FZD6: variants seen among roughly 807,000 people sequenced by gnomAD.
The protein encoded by FZD6 is frizzled class receptor 6.
FZD6 carries 49 observed loss-of-function variants against 61.4 expected under a neutral mutation model. That is an observed-to-expected ratio of 0.80 (90% confidence interval 0.63 to 1.01). The LOEUF (loss-of-function observed/expected upper bound fraction) is 1.01, where lower values mean the gene tolerates loss of function less well. FZD6 is among the 50% of genes least tolerant of loss of function. FZD6 has a pLI of 0.00. For missense variants in FZD6, 724 were observed against 848.2 expected (o/e 0.85, Z 1.82); for synonymous variants, 265 against 292.2 (o/e 0.91, Z 0.95).
At chr8:103,307,634 C>A in intron 2 of FZD6, 2 of 394,948 alleles carry the variant, frequency 5.1e-6, no homozygotes, top group Admixed American at 3.4e-5. Flanking sequence ...TTATTTTGCC[C>A]TGGTCATTCT....
chr8:103,331,457 C>T lies in FZD6; in HGVS notation c.2069C>T (p.Pro690Leu), dbSNP rs1035910686. The change falls in exon 7 of 7, where the codon CCG becomes CTG. Residue 690 changes from proline (P) to leucine (L), a missense_variant. Transcript: ENST00000358755. ...GGTTCCACATCTCTGCTTGTTCACC[C>T]GGTTTCAGGAGTGAGAAAAGAGCAG... The part of the protein sequence containing the change: ...LKGSTSLLVH[P>L]VSGVRKEQGG... 3.1e-6 allele frequency: 5 copies of T among 1,611,152 alleles called. No homozygotes were observed. Among genetic ancestry groups the T allele is most frequent in the East Asian group, 2.2e-5 (1 of 44,868 alleles).
chr8:103,331,181 A>G (rs1815116540), intron 6 of FZD6, among the ~76,000 whole-genome samples, 160 bp from the exon 7 acceptor site: 1 of 110,628 alleles, frequency 9.0e-6, no homozygotes. Flanking sequence ...TCTGTCTCAA[A>G]AAAAAAATTT....
At chr8:103,298,732 C>A, upstream of FZD6, 1 of 150,110 alleles carries the variant, frequency 6.7e-6, no homozygotes, top group South Asian at 1.8e-4. Flanking sequence ...GGAGTGAGGC[C>A]GGGCGGCGCA....
intron 5 of FZD6, among the ~76,000 whole-genome samples, chr8:103,328,895 T>C (rs1451275194): frequency 6.6e-6 from 1 of 150,888 alleles, no homozygotes; most frequent in Non-Finnish European, 1.5e-5. Flanking sequence ...TAAATCTTAT[T>C]ACACACAGCT....
intron 2 of FZD6, among the ~76,000 whole-genome samples, chr8:103,317,836 AAAAAAG>A (rs71292794): frequency 0.29 from 39,351 of 134,934 alleles, 5,258 homozygotes; most frequent in South Asian, 0.33. Context: ...AAAAAAAAAA[AAAAAAG>A]AAAGAAAGAA....
Position 103,330,048 on chromosome 8 carries a change from T to C in FZD6, c.1935T>C (p.Ser645=). Residue 645 remains serine (S), a synonymous_variant, in exon 6 of 7, where the codon AGT becomes AGC. Transcript: ENST00000358755. ...GKGQAGSVSE[S]ARSEGRISPK... ...GCCAGGCAGGCAGTGTATCTGAAAG[T>C]GCGCGGAGTGAAGGAAGGTGAGATT... 2 of 1,614,032 alleles carry C rather than the reference T, an allele frequency of 1.2e-6. No individual in the cohort carries two copies. Among genetic ancestry groups the C allele is most frequent in the Non-Finnish European group, 1.7e-6 (2 of 1,179,882 alleles).
At chr8:103,318,500 G>A in intron 2 of FZD6, 90 bp from the exon 3 acceptor site, 1 of 797,342 alleles carries the variant, frequency 1.3e-6, no homozygotes, top group Non-Finnish European at 2.2e-6. Context: ...CAGTATAAGT[G>A]AAAAAGCATA....
rs1458718346 is a variant in FZD6 at position 103,325,255 on chromosome 8, C to T, written c.1149C>T (p.Leu383=). The T allele has an allele frequency of 3.3e-5, 54 of 1,614,046 alleles. No homozygotes were observed. The East Asian group carries it at 1.2e-3, about 36-fold the overall frequency. The change falls in exon 4 of 7, where the codon CTC becomes CTT. Residue 383 remains leucine (L), a synonymous_variant. Transcript: ENST00000358755. ...LPLCLCVFVG[L]SLLLAGIISL... The stretch of plus-strand genomic sequence containing the variant: ...TGTGCCTTTGTGTGTTTGTTGGGCT[C>T]TCTCTTCTTTTAGCTGGCATTATTT...
intron 6 of FZD6, among the ~76,000 whole-genome samples, chr8:103,331,047 C>G (rs532238334): frequency 3.9e-5 from 6 of 151,976 alleles, no homozygotes; most frequent in Admixed American, 6.6e-5. Context: ...TGTGGTGGCA[C>G]CCACCTGTAG....
At chr8:103,327,126 G>T (rs551982707) in intron 4 of FZD6, among the ~76,000 whole-genome samples, 1 of 152,300 alleles carries the variant, frequency 6.6e-6, no homozygotes, top group South Asian at 2.1e-4. Context: ...CACTGATACT[G>T]CCCTTCTGGG....
At chr8:103,318,472 G>A (rs1814691340) in intron 2 of FZD6, 118 bp from the exon 3 acceptor site, 1 of 698,490 alleles carries the variant, frequency 1.4e-6, no homozygotes, top group Non-Finnish European at 2.6e-6. Context: ...GATAGAGGGA[G>A]ATTTAAAGAT....
At chr8:103,306,557 G>A (rs1814336171) in intron 2 of FZD6, among the ~76,000 whole-genome samples, 1 of 130,878 alleles carries the variant, frequency 7.6e-6, no homozygotes, top group African/African-American at 2.9e-5. Context: ...AGGCTGGAGT[G>A]CAGTGGCGCC....
rs1395797835 is a variant in FZD6, at chr8:103,317,459, TAGG to T, written c.178-1127_178-1125del. On this transcript the variant is annotated intron_variant, in intron 2 of 6. Transcript: ENST00000358755. ...AAGTGTGGGAAGTAGTGAGACCTGT[TAGG>T]AGGCCATTTTAGTAGTTGAGGTGAA... 2.6e-5 allele frequency among the ~76,000 whole-genome samples: 4 copies of T among 152,186 alleles called. No individual in the cohort carries two copies. In the East Asian group the frequency reaches 5.8e-4, roughly 22 times the overall value.
At chr8:103,303,033 A>C (rs1271564846) in intron 2 of FZD6, among the ~76,000 whole-genome samples, 1 of 152,210 alleles carries the variant, frequency 6.6e-6, no homozygotes, top group Non-Finnish European at 1.5e-5. Flanking sequence ...GTGGTGCCAC[A>C]ATGATTTTAT....
rs1209767214 is a variant in FZD6 at position 103,311,645 on chromosome 8, A to C, written c.178-6945A>C. 5.5e-5 allele frequency among the ~76,000 whole-genome samples: 8 copies of C among 146,064 alleles called. No individual in the cohort carries two copies. The South Asian group carries it at 1.3e-3, about 24-fold the overall frequency. On this transcript the variant is annotated intron_variant, in intron 2 of 6. Coordinates refer to ENST00000358755, the MANE Select transcript of FZD6 (RefSeq NM_003506.4). ...CAGTGAACTATGATTGTGCCACTGC[A>C]CTCCAGCCTGGGCCACAGAGTGAGA...
At chr8:103,298,796 C>CGCT (rs1195727596), upstream of FZD6, 11 of 165,542 alleles carry the variant, frequency 6.6e-5, no homozygotes, top group African/African-American at 2.7e-4. Context: ...CCGCCGCCGC[C>CGCT]GCCGCCGCCG....
chr8:103,329,013 T>TTTTTTATATATATATATATA lies in FZD6; in HGVS notation c.1541+598_1541+599insTTTTATATATATATATATAT, dbSNP rs143400765. ...TATTTATGAGTAATTCATTTTAGTT[T>TTTTTTATATATATATATATA]TATATATATATATATATATGCACAC... On this transcript the variant is annotated intron_variant, in intron 5 of 6. Transcript: ENST00000358755. 4.6e-3 allele frequency among the ~76,000 whole-genome samples: 535 copies of TTTTTTATATATATATATATA among 115,144 alleles called. 4 individuals are homozygous for TTTTTTATATATATATATATA. Among genetic ancestry groups the TTTTTTATATATATATATATA allele is most frequent in the Middle Eastern group, 0.012 (2 of 166 alleles). 75.5% of individuals were successfully genotyped at this position (115,144 alleles called of 152,430 possible). A position where few individuals can be genotyped will look rare whatever the true frequency, so the allele number is the denominator to read the frequency against.
chr8:103,300,146 A>G lies in FZD6; in HGVS notation c.39A>G (p.Leu13=). Residue 13 remains leucine, a synonymous_variant, in exon 2 of 7, where the codon CTA becomes CTG. Transcript: ENST00000358755. ...MFTFLLTCIF[L]PLLRGHSLFT... is the part of the protein sequence containing the mutation. ...CATTTTTGTTGACGTGTATTTTTCT[A>G]CCCCTCCTAAGAGGGCACAGTCTCT... 1.9e-6 allele frequency: 3 copies of G among 1,603,564 alleles called. No individual in the cohort carries two copies. Among genetic ancestry groups the G allele is most frequent in the South Asian group, 1.1e-5 (1 of 90,864 alleles).
At chr8:103,325,631 A>G (rs970495402) in intron 4 of FZD6, 133 bp downstream of exon 4, 139 of 755,008 alleles carry the variant, frequency 1.8e-4, no homozygotes, top group Middle Eastern at 3.6e-4. Flanking sequence ...AGGATTTCCT[A>G]TACATCAACT....
Sources: allele counts gnomAD v4.1 joint callset (sites outside exome capture counted in the v4.1 genomes callset), GRCh38; gene constraint gnomAD v4.1.1; transcripts MANE v1.5; gene names NCBI Gene and HGNC (gene_info 2026-07-23, HGNC 2026-07-21).